THOC2: variants seen among roughly 807,000 people sequenced by gnomAD.
The protein encoded by THOC2 is THO complex 2.
Under a neutral mutation model 128.4 loss-of-function variants are expected in THOC2, and 10 were observed. The ratio of observed to expected loss-of-function variants is 0.08; its 90% confidence interval spans 0.05 to 0.13. The LOEUF is 0.13. THOC2 is among the 10% of genes least tolerant of loss of function. The pLI, the probability that THOC2 is intolerant of heterozygous loss-of-function variation, is 1.00. For missense variants in THOC2, 535 were observed against 1,155.7 expected (o/e 0.46, Z 7.79); for synonymous variants, 393 against 396.9 (o/e 0.99, Z 0.12).
At chrX:123,696,687 T>C (rs2050461051) in intron 6 of THOC2, 34 bp downstream of exon 6, 1 of 1,177,496 alleles carries the variant, frequency 8.5e-7, no homozygotes, top group Non-Finnish European at 1.1e-6. Context: ...CATACTCAGA[T>C]ACTTGATCTG....
At chrX:123,638,748 ACACTCTCTCT>A (rs1272081866) in intron 17 of THOC2, among the ~76,000 whole-genome samples, 176 bp downstream of exon 17, 4 of 103,696 alleles carry the variant, frequency 3.9e-5, no homozygotes, top group African/African-American at 1.5e-4. Flanking sequence ...ACACACACAC[ACACTCTCTCT>A]CTCTCTCACA....
chrX:123,719,859 T>C (rs890035082), intron 1 of THOC2, among the ~76,000 whole-genome samples: 4 of 107,822 alleles, frequency 3.7e-5, no homozygotes, highest in African/African-American at 1.4e-4. Flanking sequence ...AGTCCAGGGG[T>C]TTCAGGTTAT....
At chrX:123,700,075 A>G (rs1453059972) in intron 4 of THOC2, among the ~76,000 whole-genome samples, 4 of 111,024 alleles carry the variant, frequency 3.6e-5, no homozygotes, top group Non-Finnish European at 7.5e-5. Context: ...GCCCTCAGCT[A>G]TTTCCAGCTC....
intron 1 of THOC2, among the ~76,000 whole-genome samples, chrX:123,724,509 A>G (rs762013200): frequency 1.8e-5 from 2 of 108,167 alleles, no homozygotes; most frequent in East Asian, 6.0e-4. Flanking sequence ...ACATGATGAA[A>G]CCTCGTCTCC....
intron 22 of THOC2, among the ~76,000 whole-genome samples, chrX:123,629,408 A>C (rs1193182550): frequency 9.0e-6 from 1 of 110,738 alleles, no homozygotes; most frequent in East Asian, 2.8e-4. Context: ...ACGTTAGAAA[A>C]TCACTTAAAT....
In THOC2 at chrX:123,600,638, T is replaced by A. The variant is rs1377055858; in HGVS notation, c.*719A>T. The A allele has an allele frequency of 1.8e-5, 2 of 112,595 alleles. No homozygotes were observed. Among genetic ancestry groups the A allele is most frequent in the Non-Finnish European group, 3.8e-5 (2 of 53,224 alleles). 9.3% of individuals were successfully genotyped at this position (112,595 alleles called of 1,213,427 possible). On this transcript the variant is annotated 3_prime_UTR_variant, in exon 39 of 39. Coordinates refer to ENST00000245838, the MANE Select transcript of THOC2 (RefSeq NM_001081550.2). ...GAATTCGGCAGATAAAAAAATTCTC[T>A]TTTAAAAATGTCACTGTGAAACTTT... is the stretch of plus-strand genomic sequence containing the variant.
At chrX:123,715,784 CAA>C (rs765556592) in intron 1 of THOC2, among the ~76,000 whole-genome samples, 7 of 38,097 alleles carry the variant, frequency 1.8e-4, no homozygotes, top group Admixed American at 3.3e-4. Context: ...GACCTTGTCT[CAA>C]AAAAAAAAAA....
At chrX:123,631,312 A>G (rs969655847) in intron 22 of THOC2, among the ~76,000 whole-genome samples, 1 of 112,316 alleles carries the variant, frequency 8.9e-6, no homozygotes, top group Non-Finnish European at 1.9e-5. Context: ...GGGAAGAAGC[A>G]GCCTAACACC....
At position 123,722,619 on chromosome X, in the gene THOC2, G is replaced by A. The variant is rs772637765; in HGVS notation, c.72-9711C>T. Among the ~76,000 whole-genome samples, 13 of 109,490 alleles carry A rather than the reference G, an allele frequency of 1.2e-4. No homozygotes were observed. The East Asian group carries it at 1.4e-3, about 12-fold the overall frequency. On this transcript the variant is annotated intron_variant, in intron 1 of 38. Coordinates refer to ENST00000245838, the MANE Select transcript of THOC2 (RefSeq NM_001081550.2). The stretch of plus-strand genomic sequence containing the variant: ...GCATTAGGACACATACCTAATGCAC[G>A]TGGGGCTTAAAACTTAGATGACAGG...
At chrX:123,723,497 T>TTAGTAA (rs1424340673) in intron 1 of THOC2, among the ~76,000 whole-genome samples, 1 of 111,486 alleles carries the variant, frequency 9.0e-6, no homozygotes, top group East Asian at 2.8e-4. Flanking sequence ...ATTGGCACTG[T>TTAGTAA]TAGTAATAGC....
chrX:123,724,252 A>G (rs1434464460), intron 1 of THOC2, among the ~76,000 whole-genome samples: 3 of 111,905 alleles, frequency 2.7e-5, no homozygotes, highest in Non-Finnish European at 5.6e-5. Flanking sequence ...CTTGCAGCTC[A>G]CCTCTGTGCC....
At chrX:123,668,542 TTCTG>T (rs1373508978) in intron 9 of THOC2, among the ~76,000 whole-genome samples, 7 of 112,389 alleles carry the variant, frequency 6.2e-5, no homozygotes, top group Admixed American at 2.8e-4. Context: ...GTTTCACATC[TTCTG>T]TCTGACAGAG....
chrX:123,625,179 C>T (rs1485879481), intron 25 of THOC2, among the ~76,000 whole-genome samples: 1 of 111,474 alleles, frequency 9.0e-6, no homozygotes, highest in Non-Finnish European at 1.9e-5. Flanking sequence ...GCAAGCTCCG[C>T]GTCTCAGGTT....
At chrX:123,631,376 G>A (rs2047478710) in intron 22 of THOC2, among the ~76,000 whole-genome samples, 1 of 112,279 alleles carries the variant, frequency 8.9e-6, no homozygotes, top group Non-Finnish European at 1.9e-5. Flanking sequence ...AGGAATTTCT[G>A]CATAGTGCTA....
intron 8 of THOC2, among the ~76,000 whole-genome samples, chrX:123,681,637 T>C (rs1234655794): frequency 8.9e-6 from 1 of 111,755 alleles, no homozygotes; most frequent in Admixed American, 9.5e-5. Flanking sequence ...CATTAAAAAA[T>C]GGAGAAGGTG....
chrX:123,687,887 A>G (rs1481723039), intron 7 of THOC2, among the ~76,000 whole-genome samples: 1 of 111,878 alleles, frequency 8.9e-6, no homozygotes, highest in Non-Finnish European at 1.9e-5. Context: ...TAAACTCTCC[A>G]AAAAGACGTT....
chrX:123,694,377 G>T (rs964763000), intron 7 of THOC2, among the ~76,000 whole-genome samples: 3 of 111,157 alleles, frequency 2.7e-5, no homozygotes, highest in Non-Finnish European at 5.7e-5. Context: ...CACTTTGGGA[G>T]GCCAAGGCGG....
At chrX:123,633,855 T>G in intron 20 of THOC2, 98 bp downstream of exon 20, 1 of 519,598 alleles carries the variant, frequency 1.9e-6, no homozygotes, top group Non-Finnish European at 3.2e-6. Flanking sequence ...GGCTTTGACA[T>G]TTGGTTTTAT....
In THOC2 at chrX:123,645,384, TA is replaced by T; in HGVS notation, c.1387-10del. 15 of 1,042,620 alleles carry T rather than the reference TA, an allele frequency of 1.4e-5. No homozygotes were observed. The highest frequency in any genetic ancestry group is 2.7e-5 in the Admixed American group (1 of 37,643). 85.9% of individuals were successfully genotyped at this position (1,042,620 alleles called of 1,213,427 possible). A position where few individuals can be genotyped will look rare whatever the true frequency, so the allele number is the denominator to read the frequency against. The stretch of plus-strand genomic sequence containing the variant: ...CTTCCATCAGACTGAAACTACAATT[TA>T]AAAAAAGAAATTAATAAAATACAAA... On this transcript the variant is annotated splice_polypyrimidine_tract_variant and intron_variant, in intron 12 of 38. Transcript: ENST00000245838.
Sources: allele counts gnomAD v4.1 joint callset (sites outside exome capture counted in the v4.1 genomes callset), GRCh38; gene constraint gnomAD v4.1.1; transcripts MANE v1.5; gene names NCBI Gene and HGNC (gene_info 2026-07-23, HGNC 2026-07-21).